The following ZNF716 variants were observed in gnomAD, a reference collection of about 807,000 sequenced individuals.
The protein encoded by ZNF716 is zinc finger protein 716.
A neutral mutation model predicts 13.4 loss-of-function variants in ZNF716; 9 were observed. The ratio of observed to expected loss-of-function variants is 0.67; its 90% CI spans 0.41 to 1.18. ZNF716 has a LOEUF of 1.18. Among genes scored for constraint, ZNF716 ranks in the 50% most tolerant of loss-of-function variants. The pLI, the probability that ZNF716 is intolerant of heterozygous loss-of-function variation, is 0.01. For missense variants in ZNF716, 581 were observed against 576.6 expected (o/e 1.01, Z -0.08); for synonymous variants, 186 against 195.2 (o/e 0.95, Z 0.39).
chr7:57,464,278 T>C (rs1237777657), intron 3 of ZNF716, among the ~76,000 whole-genome samples: 2 of 151,928 alleles, frequency 1.3e-5, no homozygotes, highest in African/African-American at 2.4e-5. Context: ...TGTGCCACCA[T>C]GTGCAGCTAA....
At chr7:57,453,306 T>C (rs1485541174) in intron 1 of ZNF716, among the ~76,000 whole-genome samples, 2 of 152,294 alleles carry the variant, frequency 1.3e-5, no homozygotes, top group Non-Finnish European at 2.9e-5. Flanking sequence ...AGGATGCGCA[T>C]GGGAGACTCT....
chr7:57,458,320 TCTGA>T (rs1285730121), intron 1 of ZNF716, among the ~76,000 whole-genome samples: 1 of 152,240 alleles, frequency 6.6e-6, no homozygotes, highest in Non-Finnish European at 1.5e-5. Flanking sequence ...ACCTCTGGTT[TCTGA>T]CTGTGTTTAT....
intron 2 of ZNF716, 101 bp from the exon 3 acceptor site, chr7:57,462,972 C>G: frequency 6.9e-7 from 1 of 1,456,828 alleles, no homozygotes; most frequent in Non-Finnish European, 9.1e-7. Context: ...TCTTAATTTT[C>G]TAGAATTTTC....
chr7:57,458,825 T>A (rs1554322537), intron 1 of ZNF716, among the ~76,000 whole-genome samples: 3 of 152,244 alleles, frequency 2.0e-5, no homozygotes, highest in Non-Finnish European at 1.5e-5. Context: ...TTGTCTTTTG[T>A]GATCTTTGAA....
intron 3 of ZNF716, among the ~76,000 whole-genome samples, chr7:57,464,553 A>T (rs1583721380): frequency 6.6e-6 from 1 of 151,718 alleles, no homozygotes. Context: ...TGGCACTGTC[A>T]CTCTATTAAA....
In ZNF716 at chr7:57,468,780, C is replaced by T. The variant is rs782211328; in HGVS notation, c.319C>T (p.Leu107Phe). 1.9e-6 allele frequency: 3 copies of T among 1,613,332 alleles called. No individual in the cohort carries two copies. The highest frequency in any genetic ancestry group is 3.3e-5 in the Admixed American group (2 of 59,900). ...GTCAGAGCAGGGCATAAAAGATTCACTCCAAAAAGTGATACTGAGAAGATA... is the reference window on the plus strand; with the variant it reads ...GTCAGAGCAGGGCATAAAAGATTCATTCCAAAAAGTGATACTGAGAAGATA... ...LQSEQGIKDS[L>F]QKVILRRYGK... Residue 107 changes from leucine (L) to phenylalanine (F), a missense_variant, in exon 4 of 4, where the codon CTC becomes TTC. Transcript: ENST00000420713.
chr7:57,464,714 CT>C (rs34465678), intron 3 of ZNF716, among the ~76,000 whole-genome samples: 3 of 151,662 alleles, frequency 2.0e-5, no homozygotes, highest in Non-Finnish European at 2.9e-5. Context: ...AGTTTCGTTA[CT>C]TTTTTTTCAG....
intron 1 of ZNF716, among the ~76,000 whole-genome samples, chr7:57,459,797 G>A (rs1789674477): frequency 1.3e-5 from 2 of 152,256 alleles, no homozygotes; most frequent in African/African-American, 4.8e-5. Context: ...TGATAGGGGA[G>A]GGCAGGGGAA....
chr7:57,458,569 C>T (rs1554322494), intron 1 of ZNF716, among the ~76,000 whole-genome samples: 2 of 152,018 alleles, frequency 1.3e-5, no homozygotes, highest in African/African-American at 4.8e-5. Context: ...ATTACAGGAG[C>T]CCACCACCAG....
At chr7:57,456,884 C>G (rs1195953742) in intron 1 of ZNF716, among the ~76,000 whole-genome samples, 1 of 151,142 alleles carries the variant, frequency 6.6e-6, no homozygotes, top group Admixed American at 6.6e-5. Flanking sequence ...TCACACTGCA[C>G]ACTGTCCTGT....
At chr7:57,468,659 G>T in intron 3 of ZNF716, 65 bp from the exon 4 acceptor site, 1 of 1,488,284 alleles carries the variant, frequency 6.7e-7, no homozygotes, top group African/African-American at 1.4e-5. Context: ...TTATATATTT[G>T]ATTTGCAAAA....
At chr7:57,465,347 C>T (rs553053365) in intron 3 of ZNF716, among the ~76,000 whole-genome samples, 3 of 151,924 alleles carry the variant, frequency 2.0e-5, no homozygotes, top group South Asian at 4.2e-4. Flanking sequence ...TATGATTTTG[C>T]TCTTCTTACA....
chr7:57,468,660 A>T, intron 3 of ZNF716, 64 bp from the exon 4 acceptor site: 2 of 1,495,658 alleles, frequency 1.3e-6, no homozygotes, highest in East Asian at 2.3e-5. Context: ...TATATATTTG[A>T]TTTGCAAAAT....
rs1476657485 is a variant in ZNF716 at position 57,471,539 on chromosome 7, C to A, written c.*1590C>A. On this transcript the variant is annotated 3_prime_UTR_variant, in exon 4 of 4. Transcript: ENST00000420713. ...AAACATAAAGAGGATTGTGTAGTAC[C>A]TTTATTTGTATTACGGATTTTATTG... is the stretch of plus-strand genomic sequence containing the variant. 2.0e-5 allele frequency: 3 copies of A among 151,920 alleles called. No homozygotes were observed. In the East Asian group the frequency reaches 5.8e-4, roughly 29 times the overall value. The allele number at this position is 151,920 out of a possible 1,614,324, so 9.4% of individuals were successfully genotyped here.
chr7:57,459,746 C>T lies in ZNF716; in HGVS notation c.40-2714C>T, dbSNP rs528262036. 1.3e-4 allele frequency among the ~76,000 whole-genome samples: 20 copies of T among 152,224 alleles called. No homozygotes were observed. In the South Asian group the frequency reaches 3.5e-3, roughly 27 times the overall value. ...TCAGTTTGGTAGGAAGAGGTCAGTG[C>T]GGTTCATGCTCCCATTACTGTAAAG... On this transcript the variant is annotated intron_variant, in intron 1 of 3. Coordinates refer to ENST00000420713, the MANE Select transcript of ZNF716 (RefSeq NM_001159279.1).
chr7:57,456,262 G>C (rs1554322159), intron 1 of ZNF716, among the ~76,000 whole-genome samples: 1 of 152,138 alleles, frequency 6.6e-6, no homozygotes, highest in African/African-American at 2.4e-5. Context: ...CTTCTGGGTT[G>C]CATGTTTTAT....
At chr7:57,456,809 C>G (rs1398414876) in intron 1 of ZNF716, among the ~76,000 whole-genome samples, 1 of 151,996 alleles carries the variant, frequency 6.6e-6, no homozygotes, top group Non-Finnish European at 1.5e-5. Context: ...ATTACAGAGG[C>G]CTGGCCTGGA....
chr7:57,457,575 C>T (rs1373650485), intron 1 of ZNF716, among the ~76,000 whole-genome samples: 2 of 152,100 alleles, frequency 1.3e-5, no homozygotes, highest in East Asian at 3.9e-4. Flanking sequence ...AACTCCTGGC[C>T]TCAGGTGATC....
At chr7:57,451,490 C>G (rs1208248310) in intron 1 of ZNF716, among the ~76,000 whole-genome samples, 1 of 142,248 alleles carries the variant, frequency 7.0e-6, no homozygotes, top group Admixed American at 7.4e-5. Context: ...CAATGTTGCC[C>G]AAGCTGGAGT....
Sources: allele counts gnomAD v4.1 joint callset (sites outside exome capture counted in the v4.1 genomes callset), GRCh38; gene constraint gnomAD v4.1.1; transcripts MANE v1.5; gene names NCBI Gene and HGNC (gene_info 2026-07-23, HGNC 2026-07-21).